DPP6: variants seen among roughly 807,000 people sequenced by gnomAD.
DPP6 encodes dipeptidyl peptidase like 6, also known as A-type potassium channel modulatory protein DPP6.
A neutral mutation model predicts 122.6 loss-of-function variants in DPP6; 69 were observed. The observed-to-expected ratio is 0.56, with a 90% confidence interval of 0.46 to 0.69. The LOEUF is 0.69. DPP6 is among the 30% of genes least tolerant of loss of function. The probability of loss-of-function intolerance (pLI) is 0.00; values close to 1 mark genes in which losing one functional copy is unlikely to be tolerated. For synonymous variants in DPP6, 418 were observed against 433.1 expected, an observed-to-expected ratio of 0.97 and a Z score of 0.43; for missense variants, 928 against 1,116.9, an observed-to-expected ratio of 0.83 and a Z score of 2.41.
intron 1 of DPP6, among the ~76,000 whole-genome samples, chr7:153,916,597 C>T (rs944827542): frequency 4.6e-5 from 7 of 151,002 alleles, no homozygotes; most frequent in Non-Finnish European, 7.4e-5. Flanking sequence ...TTAGTAGAAA[C>T]GGGGTTTCAC....
intron 8 of DPP6, among the ~76,000 whole-genome samples, chr7:154,733,472 A>G (rs908908325): frequency 2.6e-5 from 4 of 152,228 alleles, no homozygotes; most frequent in African/African-American, 9.6e-5. Context: ...AGTTTCTCAA[A>G]GCATCTTTAA....
chr7:154,655,569 A>G (rs547607351), intron 6 of DPP6, among the ~76,000 whole-genome samples: 3 of 152,362 alleles, frequency 2.0e-5, no homozygotes, highest in South Asian at 4.1e-4. Flanking sequence ...AAATCACTGT[A>G]CACCTTCCTG....
intron 1 of DPP6, among the ~76,000 whole-genome samples, chr7:153,988,573 C>T (rs1422146257): frequency 2.0e-5 from 3 of 152,188 alleles, no homozygotes; most frequent in African/African-American, 4.8e-5. Context: ...GGAAGGAGGC[C>T]GTTCCCAGCC....
At chr7:153,903,905 A>G (rs946849906) in intron 1 of DPP6, among the ~76,000 whole-genome samples, 8 of 152,140 alleles carry the variant, frequency 5.3e-5, no homozygotes, top group African/African-American at 1.9e-4. Flanking sequence ...AAGAGGACTG[A>G]GGGTTGAGGG....
intron 1 of DPP6, among the ~76,000 whole-genome samples, chr7:154,417,112 C>T (rs561413821): frequency 6.6e-6 from 1 of 152,302 alleles, no homozygotes; most frequent in African/African-American, 2.4e-5. Context: ...CTCAGCCTAT[C>T]ACCCAGGAGG....
chr7:154,805,039 T>A, intron 15 of DPP6, 75 bp downstream of exon 15: 8 of 1,528,784 alleles, frequency 5.2e-6, no homozygotes, highest in Non-Finnish European at 6.2e-6. Context: ...TTGCACCTTT[T>A]CAGCAGTTCG....
At chr7:154,589,750 GC>G (rs1219445384) in intron 5 of DPP6, among the ~76,000 whole-genome samples, 1 of 152,178 alleles carries the variant, frequency 6.6e-6, no homozygotes, top group African/African-American at 2.4e-5. Context: ...TCAGATATTT[GC>G]AGACAGCTCT....
chr7:154,685,412 CA>C (rs1355819690), intron 7 of DPP6, among the ~76,000 whole-genome samples: 2 of 152,164 alleles, frequency 1.3e-5, no homozygotes, highest in Non-Finnish European at 2.9e-5. Flanking sequence ...GCTGCATGCC[CA>C]GAGGCTCTGG....
At chr7:154,263,789 C>T (rs917449369) in intron 1 of DPP6, among the ~76,000 whole-genome samples, 1 of 152,176 alleles carries the variant, frequency 6.6e-6, no homozygotes, top group African/African-American at 2.4e-5. Flanking sequence ...CTACCAGGTT[C>T]AAGTGATTCT....
rs533603781 is a variant in DPP6, at chr7:154,663,429, G to A, written c.681-5931G>A. Among the ~76,000 whole-genome samples, 16 of 44,250 alleles carry A rather than the reference G, an allele frequency of 3.6e-4. 4 individuals carry two copies. Among genetic ancestry groups the A allele is most frequent in the African/African-American group, 6.9e-4 (16 of 23,276 alleles). The allele number at this position is 44,250 out of a possible 152,430, so 29.0% of individuals were successfully genotyped here. ...TATAGTCATGATGAATCACCATAGCGTATTGGCCATAGTGTTCATATAGTC... is the reference window on the plus strand; with the variant it reads ...TATAGTCATGATGAATCACCATAGCATATTGGCCATAGTGTTCATATAGTC... On this transcript the variant is annotated intron_variant, in intron 6 of 25. Coordinates refer to ENST00000377770, the MANE Select transcript of DPP6 (RefSeq NM_130797.4).
intron 8 of DPP6, among the ~76,000 whole-genome samples, chr7:154,728,383 G>A (rs189159417): frequency 1.4e-4 from 21 of 152,274 alleles, no homozygotes; most frequent in Non-Finnish European, 1.6e-4. Context: ...CCACCTTGCT[G>A]GACATTTTCT....
At chr7:154,256,460 G>T (rs1422403141) in intron 1 of DPP6, among the ~76,000 whole-genome samples, 1 of 152,196 alleles carries the variant, frequency 6.6e-6, no homozygotes, top group East Asian at 1.9e-4. Context: ...CGGGCGCATG[G>T]AAAGGAAGCC....
chr7:154,629,907 G>A (rs150428964), intron 5 of DPP6, among the ~76,000 whole-genome samples: 22 of 152,144 alleles, frequency 1.4e-4, no homozygotes, highest in African/African-American at 4.8e-4. Context: ...ATGGGATTCC[G>A]GTTTGCCAAG....
the DPP6 span, among the ~76,000 whole-genome samples, chr7:153,841,111 A>G: frequency 2.6e-5 from 4 of 152,238 alleles, no homozygotes; most frequent in African/African-American, 9.6e-5. Context: ...CAAGAGTCAC[A>G]GTCATTGCGT....
At chr7:154,751,695 A>T (rs1408387779) in intron 8 of DPP6, among the ~76,000 whole-genome samples, 1 of 152,132 alleles carries the variant, frequency 6.6e-6, no homozygotes, top group African/African-American at 2.4e-5. Context: ...AACCAGGCAG[A>T]TAGGACAGAC....
intron 1 of DPP6, among the ~76,000 whole-genome samples, chr7:153,980,609 T>A (rs1670221727): frequency 6.6e-6 from 1 of 152,176 alleles, no homozygotes; most frequent in Non-Finnish European, 1.5e-5. Context: ...TATTTGCTCT[T>A]GCTTTTCTAG....
intron 1 of DPP6, among the ~76,000 whole-genome samples, chr7:154,435,933 A>G (rs778951916): frequency 1.3e-5 from 2 of 152,160 alleles, no homozygotes; most frequent in Non-Finnish European, 2.9e-5. Flanking sequence ...AATATTTTTT[A>G]TAGTAGCTGT....
chr7:153,764,758 T>C, the DPP6 span, among the ~76,000 whole-genome samples: 1 of 151,028 alleles, frequency 6.6e-6, no homozygotes, highest in Non-Finnish European at 1.5e-5. Flanking sequence ...ACAAAATGGC[T>C]CTTGGGATTC....
At chr7:154,402,531 A>T (rs1219603467) in intron 1 of DPP6, among the ~76,000 whole-genome samples, 2 of 146,646 alleles carry the variant, frequency 1.4e-5, no homozygotes, top group East Asian at 4.2e-4. Context: ...TCTCACTCAT[A>T]GGTGGGAATT....
Sources: allele counts gnomAD v4.1 joint callset (sites outside exome capture counted in the v4.1 genomes callset), GRCh38; gene constraint gnomAD v4.1.1; transcripts MANE v1.5; gene names NCBI Gene and HGNC (gene_info 2026-07-23, HGNC 2026-07-21).